Variants in NHSL2 observed in about 807,000 individuals in gnomAD.
The protein encoded by NHSL2 is NHS like 2.
Under a neutral mutation model 53.4 loss-of-function variants are expected in NHSL2, and 27 were observed. The ratio of observed to expected loss-of-function variants is 0.51; its 90% CI spans 0.37 to 0.70. NHSL2 has a LOEUF of 0.70. Among genes scored for constraint, NHSL2 ranks in the 30% least tolerant of loss-of-function variants. The pLI is 0.00. For missense variants in NHSL2, 892 were observed against 980.1 expected (o/e 0.91, Z 1.20); for synonymous variants, 408 against 404.1 (o/e 1.01, Z -0.12).
At chrX:72,055,940 T>C (rs2042366707) in intron 1 of NHSL2, among the ~76,000 whole-genome samples, 1 of 112,670 alleles carries the variant, frequency 8.9e-6, no homozygotes, top group Non-Finnish European at 1.9e-5. Context: ...GTGGTTTCTT[T>C]TATCAAAACT....
At position 72,138,487 on chromosome X, in the gene NHSL2, C is replaced by T. The variant is rs777793438; in HGVS notation, c.939C>T (p.Ser313=). ...PAGSVAHSTT[S]DIRPSHSVPE... is the part of the protein sequence containing the mutation. Reference sequence around the variant, plus strand: ...GCAGTGTGGCCCACTCTACCACCTCCGACATCAGGCCCAGTCACTCAGTTC... The same window carrying T: ...GCAGTGTGGCCCACTCTACCACCTCTGACATCAGGCCCAGTCACTCAGTTC... Residue 313 remains serine, a synonymous_variant, in exon 6 of 8, where the codon TCC becomes TCT. Coordinates refer to ENST00000633930, the MANE Select transcript of NHSL2 (RefSeq NM_001013627.3). The T allele has an allele frequency of 2.6e-5, 30 of 1,160,270 alleles. No individual in the cohort carries two copies. The highest frequency in any genetic ancestry group is 1.4e-4 in the South Asian group (7 of 51,779).
chrX:72,001,801 T>C (rs2042073997), intron 1 of NHSL2, among the ~76,000 whole-genome samples: 1 of 112,232 alleles, frequency 8.9e-6, no homozygotes, highest in Non-Finnish European at 1.9e-5. Context: ...GAATCCTACC[T>C]TAAGGTAGGC....
rs941293260 is a variant in NHSL2 at position 71,992,191 on chromosome X, T to A, written c.280+80824T>A. Among the ~76,000 whole-genome samples, 10 of 112,370 alleles carry A rather than the reference T, an allele frequency of 8.9e-5. No individual in the cohort carries two copies. In the East Asian group the frequency reaches 2.8e-3, roughly 31 times the overall value. ...TCACTGGGCATAGTCAGGCACTGGG[T>A]CAAAGTGGAAGCACTGATGACCTGT... On this transcript the variant is annotated intron_variant, in intron 1 of 7. Transcript: ENST00000633930.
intron 1 of NHSL2, among the ~76,000 whole-genome samples, chrX:71,940,142 G>A (rs780134302): frequency 2.9e-4 from 32 of 111,813 alleles, no homozygotes; most frequent in African/African-American, 9.1e-4. Flanking sequence ...CAGAGAGGAG[G>A]GAGAAAAATC....
At chrX:71,987,070 G>T (rs1171457722) in intron 1 of NHSL2, among the ~76,000 whole-genome samples, 2 of 111,006 alleles carry the variant, frequency 1.8e-5, no homozygotes, top group Non-Finnish European at 3.8e-5. Flanking sequence ...TTTAAGCTGG[G>T]CGCGGTGACT....
chrX:72,141,689 G>A (rs2042419542), intron 6 of NHSL2, among the ~76,000 whole-genome samples: 1 of 111,895 alleles, frequency 8.9e-6, no homozygotes, highest in Non-Finnish European at 1.9e-5. Context: ...ATGTTGTCAG[G>A]GTTCATCCAT....
chrX:72,067,579 T>C (rs1359833303), intron 1 of NHSL2, among the ~76,000 whole-genome samples: 4 of 112,471 alleles, frequency 3.6e-5, no homozygotes, highest in African/African-American at 9.7e-5. Context: ...GCTTCAGTTA[T>C]TCACTTATCA....
At chrX:71,944,992 T>G (rs1256061571) in intron 1 of NHSL2, among the ~76,000 whole-genome samples, 1 of 112,010 alleles carries the variant, frequency 8.9e-6, no homozygotes, top group Admixed American at 9.4e-5. Flanking sequence ...AAATAGTAGG[T>G]ACATACTGGC....
intron 1 of NHSL2, among the ~76,000 whole-genome samples, chrX:71,968,248 C>T (rs1290186297): frequency 9.1e-6 from 1 of 110,099 alleles, no homozygotes; most frequent in Admixed American, 9.6e-5. Flanking sequence ...GTCCTCCTAC[C>T]TTGGCCTCCC....
chrX:72,067,924 A>G (rs2042441126), intron 1 of NHSL2, among the ~76,000 whole-genome samples: 1 of 112,290 alleles, frequency 8.9e-6, no homozygotes, highest in Non-Finnish European at 1.9e-5. Flanking sequence ...ACTCAACAGG[A>G]GAGGTTCCTA....
intron 1 of NHSL2, among the ~76,000 whole-genome samples, chrX:71,937,953 A>G (rs781246393): frequency 4.9e-4 from 55 of 112,195 alleles, no homozygotes; most frequent in Middle Eastern, 4.7e-3. Flanking sequence ...CCTGTCAGGC[A>G]GCATAATGGC....
intron 1 of NHSL2, chrX:72,131,622 C>G (rs1247890548): frequency 2.0e-6 from 2 of 987,615 alleles, no homozygotes; most frequent in Non-Finnish European, 2.7e-6. Context: ...GGCCGAAATG[C>G]GGCGGCGGGG....
At chrX:71,986,576 A>G (rs1197906878) in intron 1 of NHSL2, among the ~76,000 whole-genome samples, 3 of 112,559 alleles carry the variant, frequency 2.7e-5, no homozygotes, top group Non-Finnish European at 5.6e-5. Flanking sequence ...ACAGAAAACC[A>G]AATTTCATAT....
chrX:72,009,108 G>C (rs1230238272), intron 1 of NHSL2, among the ~76,000 whole-genome samples: 1 of 112,084 alleles, frequency 8.9e-6, no homozygotes, highest in Non-Finnish European at 1.9e-5. Flanking sequence ...AGTTTTCCAG[G>C]TACATTGTAT....
chrX:72,127,361 A>T (rs2042236735), intron 1 of NHSL2: 1 of 100,739 alleles, frequency 9.9e-6, no homozygotes, highest in Non-Finnish European at 2.0e-5. Flanking sequence ...ATCACAACAA[A>T]TATTGAAGAT....
At chrX:72,047,181 C>T (rs1340365408) in intron 1 of NHSL2, among the ~76,000 whole-genome samples, 5 of 111,426 alleles carry the variant, frequency 4.5e-5, no homozygotes, top group Admixed American at 1.9e-4. Context: ...CTTCAGCCAC[C>T]ATCCTGAAAC....
In NHSL2 at chrX:72,139,885, C is replaced by G. The variant is rs1254819730; in HGVS notation, c.2337C>G (p.Pro779=). The change falls in exon 6 of 8, where the codon CCC becomes CCG. Residue 779 remains proline (P), a synonymous_variant. Transcript: ENST00000633930. ...LSFDLPLTSS[P]NLDLSGMSIS... is the part of the protein sequence containing the mutation. ...TTGACCTACCACTGACCTCTTCACC[C>G]AACCTGGATCTGTCTGGGATGAGTA... 3.3e-6 allele frequency: 4 copies of G among 1,211,339 alleles called. No individual in the cohort carries two copies. The East Asian group carries it at 8.9e-5, about 27-fold the overall frequency.
At chrX:72,050,476 A>AC (rs952069202) in intron 1 of NHSL2, among the ~76,000 whole-genome samples, 1 of 111,920 alleles carries the variant, frequency 8.9e-6, no homozygotes, top group African/African-American at 3.3e-5. Flanking sequence ...TGCTTAAAAA[A>AC]CACTAAGGAA....
chrX:71,933,102 G>T (rs1361701104), intron 1 of NHSL2, among the ~76,000 whole-genome samples: 1 of 112,104 alleles, frequency 8.9e-6, no homozygotes, highest in Non-Finnish European at 1.9e-5. Flanking sequence ...CCTTTTTACA[G>T]AATTCATCTC....
Sources: allele counts gnomAD v4.1 joint callset (sites outside exome capture counted in the v4.1 genomes callset), GRCh38; gene constraint gnomAD v4.1.1; transcripts MANE v1.5; gene names NCBI Gene and HGNC (gene_info 2026-07-23, HGNC 2026-07-21).